Variants in NEK4 observed in about 807,000 individuals in gnomAD.
NEK4 encodes NIMA related kinase 4.
NEK4 carries 86 observed loss-of-function variants against 98.4 expected under a neutral mutation model. That is an observed-to-expected ratio of 0.87 (90% CI 0.73 to 1.05). The LOEUF is 1.05. NEK4 is among the 50% of genes least tolerant of loss of function. The pLI is 0.00. For synonymous variants in NEK4, 328 were observed against 342.2 expected (o/e 0.96, Z 0.46); for missense variants, 898 against 950.3 (o/e 0.94, Z 0.72).
At chr3:52,732,085 T>G (rs569589554) in intron 15 of NEK4, among the ~76,000 whole-genome samples, 2 of 152,374 alleles carry the variant, frequency 1.3e-5, no homozygotes, top group East Asian at 3.9e-4. Context: ...TCCTCTTTTC[T>G]TTATAAACTA....
chr3:52,726,678 C>T (rs1236874794), intron 15 of NEK4, among the ~76,000 whole-genome samples: 2 of 150,792 alleles, frequency 1.3e-5, no homozygotes, highest in African/African-American at 2.4e-5. Context: ...GAGGCTGAGG[C>T]GGGTGGATCA....
chr3:52,739,351 A>T (rs2097381739), intron 14 of NEK4, 78 bp downstream of exon 14: 6 of 1,242,572 alleles, frequency 4.8e-6, no homozygotes, highest in Non-Finnish European at 5.8e-6. Context: ...GTGAGCCAAG[A>T]TCACACTACT....
chr3:52,763,626 T>C lies in NEK4; in HGVS notation c.667-2A>G. The C allele has an allele frequency of 6.3e-7, 1 of 1,579,058 alleles. No individual in the cohort carries two copies. Among genetic ancestry groups the C allele is most frequent in the South Asian group, 1.2e-5 (1 of 86,048 alleles). Reference sequence around the variant, plus strand: ...GTAATCTCTTGGCATTGGTGGCAGCTACAAATAAAAATAATATTGTAATTA... The same window carrying C: ...GTAATCTCTTGGCATTGGTGGCAGCCACAAATAAAAATAATATTGTAATTA... On this transcript the variant is annotated splice_acceptor_variant, in intron 4 of 15. Transcript: ENST00000233027. LOFTEE classifies it high-confidence loss of function.
At chr3:52,764,297 AAAAG>A (rs1559450034) in intron 4 of NEK4, among the ~76,000 whole-genome samples, 4 of 151,510 alleles carry the variant, frequency 2.6e-5, no homozygotes, top group African/African-American at 4.9e-5. Flanking sequence ...AAAAAAAAAA[AAAAG>A]AAAGAAAAGA....
At chr3:52,741,732 T>C (rs999706975) in intron 12 of NEK4, among the ~76,000 whole-genome samples, 1 of 152,142 alleles carries the variant, frequency 6.6e-6, no homozygotes, top group East Asian at 1.9e-4. Context: ...CAAGAATAAC[T>C]GAAGAACATC....
intron 6 of NEK4, among the ~76,000 whole-genome samples, chr3:52,755,128 AAAAG>A (rs1312085808): frequency 3.1e-4 from 47 of 151,944 alleles, no homozygotes; most frequent in East Asian, 3.9e-4. Flanking sequence ...GAAAAAAAAA[AAAAG>A]AAAGAAAGAA....
chr3:52,743,603 T>C (rs934491804), intron 11 of NEK4, 142 bp from the exon 12 acceptor site: 15 of 635,204 alleles, frequency 2.4e-5, no homozygotes, highest in Non-Finnish European at 3.6e-5. Context: ...CTCTGGTGTC[T>C]GACACCTCAG....
intron 6 of NEK4, 78 bp downstream of exon 6, chr3:52,760,717 A>C: frequency 1.1e-6 from 1 of 947,104 alleles, no homozygotes; most frequent in Admixed American, 2.2e-5. Flanking sequence ...TAATCATTTC[A>C]CACAAAATAA....
intron 6 of NEK4, chr3:52,754,249 G>A: frequency 3.1e-6 from 1 of 322,402 alleles, no homozygotes; most frequent in Non-Finnish European, 6.2e-6. Flanking sequence ...TTGATATTTG[G>A]TATTCCCATC....
At chr3:52,747,360 T>TGCTCA (rs767054137) in intron 8 of NEK4, 78 of 160,932 alleles carry the variant, frequency 4.8e-4, no homozygotes, top group Non-Finnish European at 8.2e-4. Flanking sequence ...AAGGCTGAGG[T>TGCTCA]AGAAGAATTG....
intron 15 of NEK4, among the ~76,000 whole-genome samples, chr3:52,736,692 T>C (rs997905583): frequency 4.6e-5 from 7 of 151,986 alleles, no homozygotes; most frequent in African/African-American, 1.7e-4. Flanking sequence ...CTTTCTATAA[T>C]GCTTTATTTG....
At chr3:52,740,114 C>T (rs1383239146) in intron 13 of NEK4, among the ~76,000 whole-genome samples, 1 of 152,276 alleles carries the variant, frequency 6.6e-6, no homozygotes, top group South Asian at 2.1e-4. Flanking sequence ...ACACAAAATA[C>T]CAGCTTCCAA....
At chr3:52,768,756 T>C in intron 1 of NEK4, 152 bp from the exon 2 acceptor site, 1 of 682,940 alleles carries the variant, frequency 1.5e-6, no homozygotes, top group Non-Finnish European at 2.4e-6. Context: ...AAGCACAAAA[T>C]CGGGGAAAAT....
At chr3:52,758,199 A>G (rs977359562) in intron 6 of NEK4, among the ~76,000 whole-genome samples, 3 of 150,958 alleles carry the variant, frequency 2.0e-5, no homozygotes, top group African/African-American at 4.9e-5. Flanking sequence ...AAAAAAAAAA[A>G]AAAAGAAAGA....
chr3:52,756,197 T>C (rs13061423), intron 6 of NEK4, among the ~76,000 whole-genome samples: 52,306 of 151,976 alleles, frequency 0.34, 9,991 homozygotes, highest in Admixed American at 0.46. Context: ...AGATTCAATC[T>C]AATCCCTATC....
At chr3:52,737,517 T>TA in intron 15 of NEK4, 69 bp downstream of exon 15, 1 of 1,524,136 alleles carries the variant, frequency 6.6e-7, no homozygotes, top group East Asian at 2.2e-5. Context: ...ATGTGTGATT[T>TA]ATATTTCAAA....
chr3:52,741,383 A>G (rs1019432248), intron 13 of NEK4, 28 bp downstream of exon 13: 17 of 1,301,948 alleles, frequency 1.3e-5, no homozygotes, highest in Non-Finnish European at 1.9e-5. Context: ...AATAGTTTAT[A>G]AAGGGAGACA....
intron 15 of NEK4, chr3:52,733,017 A>G (rs915835931): frequency 1.4e-5 from 3 of 210,478 alleles, no homozygotes; most frequent in Non-Finnish European, 3.1e-5. Context: ...CACTTCAAAA[A>G]AATTCTTCTA....
intron 7 of NEK4, among the ~76,000 whole-genome samples, chr3:52,751,576 G>A (rs1330346278): frequency 2.6e-5 from 4 of 151,144 alleles, no homozygotes; most frequent in South Asian, 2.1e-4. Flanking sequence ...AGCCGAGATC[G>A]CGCCATTGCA....
Sources: allele counts gnomAD v4.1 joint callset (sites outside exome capture counted in the v4.1 genomes callset), GRCh38; gene constraint gnomAD v4.1.1; transcripts MANE v1.5; gene names NCBI Gene and HGNC (gene_info 2026-07-23, HGNC 2026-07-21).